Variants in PRKG1 observed in about 807,000 individuals in gnomAD.
The protein encoded by PRKG1 is cGMP-dependent protein kinase 1.
PRKG1 carries 35 observed loss-of-function variants against 88.1 expected under a neutral mutation model. The ratio of observed to expected loss-of-function variants is 0.40; its 90% CI spans 0.30 to 0.53. The LOEUF (loss-of-function observed/expected upper bound fraction) is 0.53. Among genes scored for constraint, PRKG1 ranks in the 20% least tolerant of loss-of-function variants. The pLI is 0.59. For missense variants in PRKG1, 540 were observed against 839.8 expected, an observed-to-expected ratio of 0.64 and a Z score of 4.41; for synonymous variants, 303 against 292.5, an observed-to-expected ratio of 1.04 and a Z score of -0.37.
At chr10:51,759,065 A>T (rs1262601689) in intron 3 of PRKG1, among the ~76,000 whole-genome samples, 2 of 152,118 alleles carry the variant, frequency 1.3e-5, no homozygotes, top group Admixed American at 6.5e-5. Flanking sequence ...CATGGTTTAT[A>T]TGTGCAACAT....
chr10:51,199,566 A>G (rs1268174392), intron 2 of PRKG1, among the ~76,000 whole-genome samples: 1 of 152,118 alleles, frequency 6.6e-6, no homozygotes, highest in African/African-American at 2.4e-5. Context: ...AATGGCCTGT[A>G]TGGACTACCA....
At chr10:51,080,644 T>G (rs986545889) in intron 1 of PRKG1, among the ~76,000 whole-genome samples, 7 of 152,228 alleles carry the variant, frequency 4.6e-5, no homozygotes, top group East Asian at 3.8e-4. Context: ...AATAAGCACA[T>G]GCTGAAAGCA....
At chr10:51,681,747 T>G (rs910698367) in intron 3 of PRKG1, among the ~76,000 whole-genome samples, 1 of 152,170 alleles carries the variant, frequency 6.6e-6, no homozygotes, top group Non-Finnish European at 1.5e-5. Context: ...AGAAATACTA[T>G]TTATAGGTAA....
intron 4 of PRKG1, among the ~76,000 whole-genome samples, chr10:51,817,502 T>C (rs1449347639): frequency 2.6e-5 from 4 of 152,190 alleles, no homozygotes; most frequent in African/African-American, 9.7e-5. Context: ...TCCAGCTTCA[T>C]CCATGTCCCT....
At chr10:51,458,612 A>G (rs1197222484) in intron 2 of PRKG1, among the ~76,000 whole-genome samples, 1 of 152,136 alleles carries the variant, frequency 6.6e-6, no homozygotes, top group African/African-American at 2.4e-5. Flanking sequence ...CTGAGAGCCA[A>G]AGGTTCAAAG....
chr10:51,441,213 T>G (rs1839094740), intron 2 of PRKG1, among the ~76,000 whole-genome samples: 2 of 151,944 alleles, frequency 1.3e-5, no homozygotes, highest in Non-Finnish European at 1.5e-5. Flanking sequence ...TAAGAGCCAG[T>G]TTTTTATTCT....
At chr10:52,179,274 A>G (rs184575321) in intron 9 of PRKG1, among the ~76,000 whole-genome samples, 175 of 152,210 alleles carry the variant, frequency 1.1e-3, no homozygotes, top group African/African-American at 3.6e-3. Context: ...AGGCCAGTCT[A>G]CTAGTGATGA....
At chr10:51,338,605 T>A (rs1031743032) in intron 2 of PRKG1, among the ~76,000 whole-genome samples, 7 of 152,176 alleles carry the variant, frequency 4.6e-5, no homozygotes, top group Admixed American at 2.0e-4. Context: ...CCCTGGATTG[T>A]GTAAAATGAG....
chr10:51,781,566 T>A (rs1036439441), intron 3 of PRKG1, among the ~76,000 whole-genome samples: 17 of 152,214 alleles, frequency 1.1e-4, no homozygotes, highest in African/African-American at 4.1e-4. Flanking sequence ...CTCTGAAAAA[T>A]CTTTTTATAC....
intron 4 of PRKG1, among the ~76,000 whole-genome samples, chr10:51,859,553 C>T (rs571908554): frequency 6.6e-6 from 1 of 152,086 alleles, no homozygotes; most frequent in South Asian, 2.1e-4. Flanking sequence ...AAAAAAGAAA[C>T]TCTGACACAT....
At chr10:51,884,025 CAAA>C (rs11346256) in intron 4 of PRKG1, among the ~76,000 whole-genome samples, 2,949 of 106,228 alleles carry the variant, frequency 0.028, 89 homozygotes, top group African/African-American at 0.097. Context: ...TTTTATTTTT[CAAA>C]AAAAAAAAAA....
chr10:51,975,259 A>T (rs1388512785), intron 5 of PRKG1, among the ~76,000 whole-genome samples: 1 of 152,018 alleles, frequency 6.6e-6, no homozygotes, highest in Admixed American at 6.6e-5. Context: ...TAGAACCCAA[A>T]TCTGTCTGAG....
chr10:51,247,526 A>G (rs1839322030), intron 2 of PRKG1, among the ~76,000 whole-genome samples: 1 of 151,950 alleles, frequency 6.6e-6, no homozygotes, highest in Non-Finnish European at 1.5e-5. Flanking sequence ...ATCCAGCAAA[A>G]TTTACACCCT....
intron 10 of PRKG1, among the ~76,000 whole-genome samples, chr10:52,268,297 G>A (rs750782296): frequency 3.6e-4 from 55 of 152,190 alleles, no homozygotes; most frequent in Middle Eastern, 3.4e-3. Flanking sequence ...TTGGCAACTA[G>A]TAAGCCTGAC....
At chr10:52,024,719 C>T (rs576220631) in intron 5 of PRKG1, among the ~76,000 whole-genome samples, 1 of 152,268 alleles carries the variant, frequency 6.6e-6, no homozygotes, top group East Asian at 1.9e-4. Flanking sequence ...TTTCTTAGTC[C>T]AGTCTATCAT....
rs117606812 is a variant in PRKG1 at position 52,148,637 on chromosome 10, A to C, written c.1002-13252A>C. 8.5e-4 allele frequency among the ~76,000 whole-genome samples: 130 copies of C among 152,260 alleles called. 2 individuals carry two copies. In the East Asian group the frequency reaches 0.021, roughly 25 times the overall value. ...ATAGAGGGAGAAGAGAAGAATCGGG[A>C]AAGTGGGGCATCAGTGATCAGCACA... On this transcript the variant is annotated intron_variant, in intron 8 of 17. Coordinates refer to ENST00000373980, the MANE Select transcript of PRKG1 (RefSeq NM_006258.4).
chr10:51,332,098 C>T (rs192735232), intron 2 of PRKG1, among the ~76,000 whole-genome samples: 131 of 152,208 alleles, frequency 8.6e-4, no homozygotes, highest in African/African-American at 3.0e-3. Flanking sequence ...GGATAGATAT[C>T]CATCAAATCC....
At chr10:51,049,433 T>A (rs1156917446) in intron 1 of PRKG1, among the ~76,000 whole-genome samples, 2 of 152,238 alleles carry the variant, frequency 1.3e-5, no homozygotes, top group African/African-American at 2.4e-5. Flanking sequence ...TGAGTAAAGC[T>A]ACTGATTTGG....
At chr10:51,425,486 A>G (rs148405105) in intron 2 of PRKG1, among the ~76,000 whole-genome samples, 1 of 152,250 alleles carries the variant, frequency 6.6e-6, no homozygotes, top group East Asian at 1.9e-4. Context: ...CAGTTTTTTC[A>G]GTTGATAAGA....
Sources: gnomAD v4.1 joint callset for allele counts (sites outside exome capture counted in the v4.1 genomes callset) on GRCh38, gnomAD v4.1.1 for gene constraint, MANE v1.5 for transcripts, NCBI Gene and HGNC (gene_info 2026-07-23, HGNC 2026-07-21) for gene names.